Variants in MS4A18 observed in about 807,000 individuals in gnomAD.
MS4A18 encodes membrane spanning 4-domains A18, also known as membrane-spanning 4-domains subfamily A member 18.
In MS4A18, 27 loss-of-function variants were observed where a neutral mutation model predicts 13.1. The observed-to-expected ratio is 2.06, with a 90% confidence interval of 1.52 to 2.84. The LOEUF is 2.84. Among genes scored for constraint, MS4A18 ranks in the 30% most tolerant of loss-of-function variants. The pLI is 0.00. For missense variants in MS4A18, 307 were observed against 196.4 expected (o/e 1.56, Z -3.37); for synonymous variants, 126 against 76.5 (o/e 1.65, Z -3.38).
chr11:60,734,972 G>A (rs1306495955), intron 2 of MS4A18, among the ~76,000 whole-genome samples: 4 of 151,664 alleles, frequency 2.6e-5, no homozygotes, highest in Admixed American at 2.6e-4. Context: ...TAGTAGAGAC[G>A]GGGTTTTGCC....
intron 1 of MS4A18, among the ~76,000 whole-genome samples, chr11:60,731,257 A>G (rs1040075366): frequency 6.6e-6 from 1 of 152,174 alleles, no homozygotes; most frequent in Non-Finnish European, 1.5e-5. Context: ...TACTGGGTAA[A>G]GGTTTGTTAA....
chr11:60,726,717 CTTTTATTTTATTTTA>C (rs3044411), upstream of MS4A18, among the ~76,000 whole-genome samples: 124 of 124,952 alleles, frequency 9.9e-4, 1 homozygote, highest in African/African-American at 2.5e-3. Context: ...TGGGGTAACA[CTTTTATTTTATTTTA>C]TTTTATTTTA....
chr11:60,742,101 G>A (rs1374649925), intron 5 of MS4A18, among the ~76,000 whole-genome samples: 1 of 152,196 alleles, frequency 6.6e-6, no homozygotes, highest in Non-Finnish European at 1.5e-5. Context: ...AATGTTTCTT[G>A]ATTAGGAGTC....
exon 6 of MS4A18, chr11:60,743,851 G>C (rs1853444921): frequency 1.4e-6 from 1 of 702,952 alleles, no homozygotes; most frequent in Non-Finnish European, 2.6e-6. Flanking sequence ...TGTTACCACT[G>C]GTCCTGTCAA....
At chr11:60,725,737 C>G (rs1353340474), upstream of MS4A18, among the ~76,000 whole-genome samples, 1 of 152,132 alleles carries the variant, frequency 6.6e-6, no homozygotes, top group Non-Finnish European at 1.5e-5. Flanking sequence ...TCTTGTATTT[C>G]AAATCTCAAC....
At chr11:60,728,429 TG>T (rs1853197398), upstream of MS4A18, among the ~76,000 whole-genome samples, 1 of 151,586 alleles carries the variant, frequency 6.6e-6, no homozygotes. Flanking sequence ...TGTGTGTGTG[TG>T]TATCTGTGTG....
chr11:60,726,202 C>T (rs1328278896), upstream of MS4A18, among the ~76,000 whole-genome samples: 5 of 152,074 alleles, frequency 3.3e-5, no homozygotes, highest in African/African-American at 1.2e-4. Context: ...TGCAAAGAGG[C>T]GGGTCGGATC....
intron 3 of MS4A18, among the ~76,000 whole-genome samples, 182 bp from the exon 5 acceptor site, chr11:60,738,718 TAA>T (rs879596094): frequency 7.1e-6 from 1 of 140,842 alleles, no homozygotes; most frequent in African/African-American, 2.6e-5. Flanking sequence ...AAATAAAAGT[TAA>T]AAAAAAAAAA....
chr11:60,729,862 G>A (rs1590961561), intron 1 of MS4A18, 76 bp downstream of exon 2: 1 of 635,820 alleles, frequency 1.6e-6, no homozygotes, highest in South Asian at 1.8e-5. Flanking sequence ...ATGAGGAAGG[G>A]AATGTGTTGA....
At chr11:60,734,948 A>AT (rs1276044649) in intron 2 of MS4A18, among the ~76,000 whole-genome samples, 7 of 151,662 alleles carry the variant, frequency 4.6e-5, no homozygotes, top group Non-Finnish European at 7.4e-5. Context: ...TGCCCGGCTA[A>AT]TTTTTTGTAT....
upstream of MS4A18, among the ~76,000 whole-genome samples, chr11:60,728,182 G>A (rs1473371722): frequency 1.3e-5 from 2 of 152,248 alleles, no homozygotes; most frequent in African/African-American, 4.8e-5. Context: ...GGATGTCAAG[G>A]GCACCCAAGA....
intron 1 of MS4A18, among the ~76,000 whole-genome samples, chr11:60,732,744 A>G (rs1168511716): frequency 6.6e-6 from 1 of 151,312 alleles, no homozygotes. Flanking sequence ...AAAAAAAAAA[A>G]AAAAAAAAGA....
At chr11:60,742,379 G>C (rs1374918014) in intron 5 of MS4A18, among the ~76,000 whole-genome samples, 1 of 152,152 alleles carries the variant, frequency 6.6e-6, no homozygotes, top group East Asian at 1.9e-4. Context: ...TGGTAATCCT[G>C]TTACTAATAA....
chr11:60,736,951 C>CTTTTTTTTTTTTTTTTTTTTTTT (rs751418835), intron 2 of MS4A18, 27 bp from the exon 4 acceptor site: 1 of 477,002 alleles, frequency 2.1e-6, no homozygotes. Flanking sequence ...ATTGGTCATT[C>CTTTTTTTTTTTTTTTTTTTTTTT]TTTTTTTTTT....
At chr11:60,725,775 G>A (rs527639815), upstream of MS4A18, among the ~76,000 whole-genome samples, 32 of 152,230 alleles carry the variant, frequency 2.1e-4, no homozygotes, top group African/African-American at 7.5e-4. Context: ...GTGTGACTAT[G>A]GTCAAGGCAC....
chr11:60,729,936 C>G (rs1024714304), intron 1 of MS4A18, 150 bp downstream of exon 2: 2 of 594,974 alleles, frequency 3.4e-6, no homozygotes, highest in African/African-American at 3.7e-5. Flanking sequence ...CCAGTACAAT[C>G]ACCCAGATGC....
At chr11:60,737,709 TCTC>T (rs368851809) in intron 3 of MS4A18, among the ~76,000 whole-genome samples, 18 of 152,184 alleles carry the variant, frequency 1.2e-4, no homozygotes, top group African/African-American at 3.9e-4. Context: ...CCTTCTCTCA[TCTC>T]CTTCCTTCTC....
At chr11:60,731,124 G>A (rs1402459609) in intron 1 of MS4A18, among the ~76,000 whole-genome samples, 1 of 151,984 alleles carries the variant, frequency 6.6e-6, no homozygotes, top group African/African-American at 2.4e-5. Context: ...GGGAAATCCT[G>A]GTCACAAGCA....
intron 1 of MS4A18, among the ~76,000 whole-genome samples, chr11:60,732,634 G>A (rs1853272833): frequency 6.6e-6 from 1 of 151,674 alleles, no homozygotes; most frequent in African/African-American, 2.4e-5. Flanking sequence ...GGGAGGCTGA[G>A]GCAGGAGAAT....
Sources: allele counts gnomAD v4.1 joint callset (sites outside exome capture counted in the v4.1 genomes callset), GRCh38; gene constraint gnomAD v4.1.1; transcripts MANE v1.5; gene names NCBI Gene and HGNC (gene_info 2026-07-23, HGNC 2026-07-21).